Variants in CNGB3 observed in about 807,000 individuals in gnomAD.
CNGB3 encodes the protein cyclic nucleotide-gated channel beta-3.
A neutral mutation model predicts 92.8 loss-of-function variants in CNGB3; 86 were observed. The ratio of observed to expected loss-of-function variants is 0.93; its 90% CI spans 0.78 to 1.11. CNGB3 has a LOEUF of 1.11. CNGB3 is among the 50% of genes least tolerant of loss of function. The probability of loss-of-function intolerance (pLI) is 0.00; values close to 1 mark genes in which losing one functional copy is unlikely to be tolerated. For missense variants in CNGB3, 1,026 were observed against 956.8 expected, an observed-to-expected ratio of 1.07 and a Z score of -0.95; for synonymous variants, 333 against 332.7, an observed-to-expected ratio of 1.00 and a Z score of -0.01.
At chr8:86,599,950 A>G (rs1822255206) in intron 15 of CNGB3, among the ~76,000 whole-genome samples, 1 of 152,094 alleles carries the variant, frequency 6.6e-6, no homozygotes. Flanking sequence ...TTTGAAAATG[A>G]CTAATAAAAA....
rs150901998 is a variant in CNGB3 at position 86,596,410 on chromosome 8, TAAAAC to T, written c.1781+7678_1781+7682del. Among the ~76,000 whole-genome samples, 1,033 of 152,230 alleles carry T rather than the reference TAAAAC, an allele frequency of 6.8e-3. 12 individuals are homozygous for T. The highest frequency in any genetic ancestry group is 0.023 in the African/African-American group (961 of 41,556). On this transcript the variant is annotated intron_variant, in intron 15 of 17. Coordinates refer to ENST00000320005, the MANE Select transcript of CNGB3 (RefSeq NM_019098.5). ...GGAATTAAACCTCAAATAAATAAAA[TAAAAC>T]AAAGTAATTTTACAAAGATAAATAT...
chr8:86,605,132 G>T (rs928498082), intron 14 of CNGB3, among the ~76,000 whole-genome samples: 1 of 152,016 alleles, frequency 6.6e-6, no homozygotes, highest in Non-Finnish European at 1.5e-5. Context: ...GATTTCTCTC[G>T]TGTTTGCCCA....
At chr8:86,721,892 A>G (rs1824977592) in intron 3 of CNGB3, among the ~76,000 whole-genome samples, 4 of 152,312 alleles carry the variant, frequency 2.6e-5, no homozygotes, top group African/African-American at 7.2e-5. Context: ...AATAAACGTC[A>G]GTGTTTATGA....
At position 86,683,294 on chromosome 8, in the gene CNGB3, G is replaced by A. The variant is rs139364764; in HGVS notation, c.339-12196C>T. On this transcript the variant is annotated intron_variant, in intron 3 of 17. Coordinates refer to ENST00000320005, the MANE Select transcript of CNGB3 (RefSeq NM_019098.5). The stretch of plus-strand genomic sequence containing the variant: ...TTTTCTTCTTCTAAACAAAAACCCA[G>A]GAAGATACACTGAGTTGGTCTGAAT... Among the ~76,000 whole-genome samples, 57 of 152,174 alleles carry A rather than the reference G, an allele frequency of 3.7e-4. 1 individual carries two copies. The highest frequency in any genetic ancestry group is 1.4e-3 in the African/African-American group (57 of 41,536).
chr8:86,593,725 G>C, intron 15 of CNGB3: 1 of 925,394 alleles, frequency 1.1e-6, no homozygotes, highest in South Asian at 1.4e-5. Context: ...TCGTCCAGCA[G>C]TGGTGGGGGT....
Position 86,733,534 on chromosome 8 carries a change from TA to T in CNGB3, c.211+6120del, listed in dbSNP as rs531598086. Reference sequence around the variant, plus strand: ...GAGAAATCTGCTTGAGTAGTTTTGATAAAAAGTTATATACATTTTGTAGGAG... The same window carrying T: ...GAGAAATCTGCTTGAGTAGTTTTGATAAAAGTTATATACATTTTGTAGGAG... On this transcript the variant is annotated intron_variant, in intron 2 of 17. Transcript: ENST00000320005. Among the ~76,000 whole-genome samples, 6 of 152,352 alleles carry T rather than the reference TA, an allele frequency of 3.9e-5. No homozygotes were observed. In the East Asian group the frequency reaches 1.2e-3, roughly 29 times the overall value.
At chr8:86,698,458 A>G (rs1271484758) in intron 3 of CNGB3, among the ~76,000 whole-genome samples, 1 of 152,206 alleles carries the variant, frequency 6.6e-6, no homozygotes, top group East Asian at 1.9e-4. Context: ...TTATACAAAG[A>G]TAGAGAAAAC....
At chr8:86,742,219 G>A (rs1412996624) in intron 1 of CNGB3, among the ~76,000 whole-genome samples, 1 of 152,198 alleles carries the variant, frequency 6.6e-6, no homozygotes, top group Non-Finnish European at 1.5e-5. Flanking sequence ...GGTTAAAGAT[G>A]GATGTAGTGA....
chr8:86,642,552 C>G (rs1263144807), intron 10 of CNGB3, among the ~76,000 whole-genome samples: 1 of 151,588 alleles, frequency 6.6e-6, no homozygotes, highest in Non-Finnish European at 1.5e-5. Context: ...TCTCTTTGCT[C>G]TATCCTATAA....
chr8:86,596,925 G>A (rs1213458685), intron 15 of CNGB3, among the ~76,000 whole-genome samples: 1 of 149,544 alleles, frequency 6.7e-6, no homozygotes, highest in Non-Finnish European at 1.5e-5. Flanking sequence ...CTATCACAAG[G>A]AAAGAAAACC....
chr8:86,726,515 T>A lies in CNGB3; in HGVS notation c.338+16A>T, dbSNP rs1454884240. ...AATATCTCTAAAATATGTTGTGTGTTTTATTAAATGCTCACCTGTTTGGAC... is the reference window on the plus strand; with the variant it reads ...AATATCTCTAAAATATGTTGTGTGTATTATTAAATGCTCACCTGTTTGGAC... On this transcript the variant is annotated intron_variant, in intron 3 of 17. Transcript: ENST00000320005. 1 of 1,613,658 alleles carries A rather than the reference T, an allele frequency of 6.2e-7. No individual in the cohort carries two copies. The highest frequency in any genetic ancestry group is 8.5e-7 in the Non-Finnish European group (1 of 1,179,604).
intron 14 of CNGB3, among the ~76,000 whole-genome samples, chr8:86,611,122 T>C (rs996831470): frequency 9.2e-5 from 14 of 152,174 alleles, no homozygotes; most frequent in Non-Finnish European, 7.4e-5. Context: ...GTGTTTTCTA[T>C]TTTAAAATAA....
At chr8:86,659,851 G>A in intron 6 of CNGB3, 1 of 419,918 alleles carries the variant, frequency 2.4e-6, no homozygotes, top group Non-Finnish European at 4.7e-6. Context: ...TGTTTCTCCA[G>A]ATCCTTCAGG....
intron 8 of CNGB3, among the ~76,000 whole-genome samples, chr8:86,645,390 G>A (rs35828456): frequency 0.049 from 7,479 of 151,200 alleles, 260 homozygotes; most frequent in South Asian, 0.1. Flanking sequence ...CAAAATGCCA[G>A]TTCTATCTCT....
intron 8 of CNGB3, among the ~76,000 whole-genome samples, chr8:86,645,256 G>C (rs1476058066): frequency 6.6e-6 from 1 of 151,156 alleles, no homozygotes; most frequent in Non-Finnish European, 1.5e-5. Flanking sequence ...TTTCCCTCAA[G>C]GTTTTTTCTT....
At chr8:86,645,608 G>A (rs1051462549) in intron 8 of CNGB3, among the ~76,000 whole-genome samples, 8 of 151,340 alleles carry the variant, frequency 5.3e-5, no homozygotes, top group African/African-American at 1.7e-4. Flanking sequence ...TTTGCCCAAC[G>A]TAGATATGAC....
chr8:86,742,940 A>G (rs1825367380), intron 1 of CNGB3, among the ~76,000 whole-genome samples: 1 of 152,154 alleles, frequency 6.6e-6, no homozygotes, highest in African/African-American at 2.4e-5. Flanking sequence ...GTATAATTCT[A>G]CGTTGTGGAG....
intron 3 of CNGB3, among the ~76,000 whole-genome samples, chr8:86,684,919 C>A (rs1824155417): frequency 6.6e-6 from 1 of 152,020 alleles, no homozygotes; most frequent in Non-Finnish European, 1.5e-5. Context: ...GATACATGAG[C>A]TTGCACATGT....
chr8:86,678,494 T>C (rs1824017534), intron 3 of CNGB3, among the ~76,000 whole-genome samples: 1 of 152,176 alleles, frequency 6.6e-6, no homozygotes, highest in Non-Finnish European at 1.5e-5. Flanking sequence ...CATATGGATG[T>C]TATGATGCAC....
Sources: allele counts gnomAD v4.1 joint callset (sites outside exome capture counted in the v4.1 genomes callset), GRCh38; gene constraint gnomAD v4.1.1; transcripts MANE v1.5; gene names NCBI Gene and HGNC (gene_info 2026-07-23, HGNC 2026-07-21).